The following RTL4 variants were observed in gnomAD, a reference collection of about 807,000 sequenced individuals.
The protein encoded by RTL4 is retrotransposon Gag like 4.
In RTL4, 4 loss-of-function variants were observed where a neutral mutation model predicts 5.3. The observed-to-expected ratio is 0.75, with a 90% CI of 0.37 to 1.72. The LOEUF is 1.72. Ranked by LOEUF, RTL4 falls within the 40% of genes most tolerant of loss-of-function variation. The pLI, the probability that RTL4 is intolerant of heterozygous loss-of-function variation, is 0.04. For missense variants in RTL4, 260 were observed against 227.1 expected, an observed-to-expected ratio of 1.14 and a Z score of -0.93; for synonymous variants, 98 against 87.3, an observed-to-expected ratio of 1.12 and a Z score of -0.68.
chrX:112,423,533 T>C, the RTL4 span, among the ~76,000 whole-genome samples: 1 of 111,260 alleles, frequency 9.0e-6, no homozygotes. Flanking sequence ...ACCTGAAAAT[T>C]GTATCTTTAC....
chrX:112,312,364 G>C, the RTL4 span, among the ~76,000 whole-genome samples: 3 of 111,898 alleles, frequency 2.7e-5, no homozygotes, highest in Non-Finnish European at 5.6e-5. Context: ...ATTCAGATTA[G>C]AAGTGATACA....
chrX:112,148,753 GAAT>G, the RTL4 span, among the ~76,000 whole-genome samples: 1 of 112,173 alleles, frequency 8.9e-6, no homozygotes, highest in African/African-American at 3.2e-5. Flanking sequence ...TATAAAATGA[GAAT>G]AATAATATCT....
At chrX:112,437,308 T>C in the RTL4 span, among the ~76,000 whole-genome samples, 1 of 112,029 alleles carries the variant, frequency 8.9e-6, no homozygotes, top group African/African-American at 3.2e-5. Flanking sequence ...TATAGAGCTT[T>C]TCTTAGCTAG....
At chrX:112,083,900 G>C in the RTL4 span, among the ~76,000 whole-genome samples, 1 of 110,764 alleles carries the variant, frequency 9.0e-6, no homozygotes, top group African/African-American at 3.3e-5. Context: ...TTCATGGCCT[G>C]GCCGCACAGC....
chrX:112,438,530 G>A, the RTL4 span, among the ~76,000 whole-genome samples: 19 of 112,596 alleles, frequency 1.7e-4, no homozygotes, highest in African/African-American at 4.5e-4. Flanking sequence ...TTCCTTGATC[G>A]TACGCAGTGA....
the RTL4 span, among the ~76,000 whole-genome samples, chrX:112,437,699 C>G: frequency 9.1e-6 from 1 of 110,257 alleles, no homozygotes; most frequent in African/African-American, 3.3e-5. Flanking sequence ...TAAGAATGAT[C>G]TTATTCGATT....
chrX:112,316,720 C>A, the RTL4 span, among the ~76,000 whole-genome samples: 2 of 111,943 alleles, frequency 1.8e-5, no homozygotes, highest in Non-Finnish European at 3.8e-5. Flanking sequence ...TACTAATAGT[C>A]CACATCCTTC....
At chrX:112,324,081 A>G in the RTL4 span, among the ~76,000 whole-genome samples, 1 of 112,204 alleles carries the variant, frequency 8.9e-6, no homozygotes, top group African/African-American at 3.2e-5. Context: ...TGTACATTTT[A>G]AGTGACTCCA....
chrX:112,235,817 T>C, the RTL4 span, among the ~76,000 whole-genome samples: 2 of 111,605 alleles, frequency 1.8e-5, no homozygotes, highest in Non-Finnish European at 1.9e-5. Context: ...TCCCATTCTG[T>C]CTTTGGCTGT....
At chrX:112,412,699 C>A in the RTL4 span, among the ~76,000 whole-genome samples, 128 of 111,445 alleles carry the variant, frequency 1.1e-3, no homozygotes, top group Non-Finnish European at 1.5e-3. Context: ...TATACAAACA[C>A]CAAATCAAAA....
chrX:112,272,721 AATTAAGAT>A, the RTL4 span, among the ~76,000 whole-genome samples: 7,193 of 111,438 alleles, frequency 0.065, 563 homozygotes, highest in African/African-American at 0.22. Context: ...AATTAAATAA[AATTAAGAT>A]ATTAAGATTT....
At chrX:112,300,692 A>T in the RTL4 span, among the ~76,000 whole-genome samples, 3 of 112,249 alleles carry the variant, frequency 2.7e-5, no homozygotes. Context: ...ACATGGCCTT[A>T]GTAGTTAGAG....
the RTL4 span, among the ~76,000 whole-genome samples, chrX:112,364,587 G>A: frequency 1.8e-5 from 2 of 110,930 alleles, no homozygotes; most frequent in Non-Finnish European, 3.8e-5. Flanking sequence ...TCATGGGAGT[G>A]CAGGCAGTAA....
At chrX:112,382,362 T>C in the RTL4 span, 417 of 429,384 alleles carry the variant, frequency 9.7e-4, no homozygotes, top group Middle Eastern at 2.0e-3. Flanking sequence ...AAGGATTAGA[T>C]GGTTTTATCC....
chrX:112,166,714 T>G, the RTL4 span, among the ~76,000 whole-genome samples: 1 of 111,838 alleles, frequency 8.9e-6, no homozygotes, highest in South Asian at 3.8e-4. Flanking sequence ...ACTGCCTGGT[T>G]TTACCACTTA....
chrX:112,299,839 A>G, the RTL4 span, among the ~76,000 whole-genome samples: 15 of 111,629 alleles, frequency 1.3e-4, no homozygotes, highest in African/African-American at 4.6e-4. Flanking sequence ...GTTACTTATC[A>G]TAAATATAAA....
chrX:112,135,268 C>T, the RTL4 span, among the ~76,000 whole-genome samples: 1 of 111,699 alleles, frequency 9.0e-6, no homozygotes, highest in Admixed American at 9.5e-5. Context: ...AGCAATATCT[C>T]ATTATGGTTT....
chrX:112,372,901 GA>G, the RTL4 span, among the ~76,000 whole-genome samples: 2 of 111,578 alleles, frequency 1.8e-5, no homozygotes, highest in African/African-American at 6.5e-5. Flanking sequence ...TGCCAAAGAT[GA>G]AAAAGTTCTA....
At chrX:112,095,933 A>G in the RTL4 span, among the ~76,000 whole-genome samples, 2 of 112,091 alleles carry the variant, frequency 1.8e-5, no homozygotes, top group South Asian at 3.7e-4. Flanking sequence ...AATGAACAGC[A>G]GAAGATAGAG....
Sources: gnomAD v4.1 joint callset for allele counts (sites outside exome capture counted in the v4.1 genomes callset) on GRCh38, gnomAD v4.1.1 for gene constraint, MANE v1.5 for transcripts, NCBI Gene and HGNC (gene_info 2026-07-23, HGNC 2026-07-21) for gene names.